Variants in PPHLN1 observed in about 807,000 individuals in gnomAD.
PPHLN1 encodes periphilin-1.
Under a neutral mutation model 51.3 loss-of-function variants are expected in PPHLN1, and 29 were observed. The observed-to-expected ratio is 0.57, with a 90% CI of 0.42 to 0.77. The LOEUF is 0.77. Among genes scored for constraint, PPHLN1 ranks in the 30% least tolerant of loss-of-function variants. PPHLN1 has a pLI of 0.00. For missense variants in PPHLN1, 436 were observed against 438.4 expected (o/e 0.99, Z 0.05); for synonymous variants, 147 against 147.8 (o/e 0.99, Z 0.04).
intron 5 of PPHLN1, among the ~76,000 whole-genome samples, chr12:42,376,822 C>T (rs904107964): frequency 6.6e-6 from 1 of 151,980 alleles, no homozygotes; most frequent in African/African-American, 2.4e-5. Flanking sequence ...AATAAATAAG[C>T]CACTTCCATA....
At chr12:42,359,626 A>G (rs2138402270) in intron 4 of PPHLN1, 1 of 152,356 alleles carries the variant, frequency 6.6e-6, no homozygotes, top group East Asian at 1.9e-4. Flanking sequence ...TCCTACTTGA[A>G]AGACTTTGTG....
chr12:42,408,670 ATTGGTGACATTACCCAC>A (rs1253265886), intron 9 of PPHLN1, among the ~76,000 whole-genome samples: 1 of 152,146 alleles, frequency 6.6e-6, no homozygotes, highest in Non-Finnish European at 1.5e-5. Flanking sequence ...TTGTAATGGG[ATTGGTGACATTACCCAC>A]TTCATAGTAA....
intron 5 of PPHLN1, among the ~76,000 whole-genome samples, chr12:42,379,010 A>G (rs2076539595): frequency 6.9e-6 from 1 of 143,990 alleles, no homozygotes; most frequent in Admixed American, 7.0e-5. Flanking sequence ...CCTAGGTAAA[A>G]TTGTTTTTTT....
At chr12:42,446,755 A>T, downstream of PPHLN1, 1 of 1,150,164 alleles carries the variant, frequency 8.7e-7, no homozygotes, top group Non-Finnish European at 1.2e-6. Context: ...ACGCAATTGG[A>T]AGGTCGGGAG....
At chr12:42,332,719 A>G (rs1005104326) in intron 1 of PPHLN1, 1 of 1,412,972 alleles carries the variant, frequency 7.1e-7, no homozygotes, top group African/African-American at 1.4e-5. Flanking sequence ...ATAGTATAGT[A>G]GTATTTAATA....
intron 9 of PPHLN1, among the ~76,000 whole-genome samples, chr12:42,435,339 A>C (rs2082388170): frequency 6.6e-6 from 1 of 152,190 alleles, no homozygotes; most frequent in Non-Finnish European, 1.5e-5. Context: ...GAATGTAGGC[A>C]CTATAGCTCT....
intron 4 of PPHLN1, among the ~76,000 whole-genome samples, chr12:42,364,027 CA>C (rs1283357733): frequency 1.3e-5 from 2 of 151,940 alleles, no homozygotes; most frequent in Non-Finnish European, 2.9e-5. Flanking sequence ...AGTTTGAGAC[CA>C]GCCTGGCCAA....
At chr12:42,445,819 T>G (rs1566060047), downstream of PPHLN1, 1 of 858,630 alleles carries the variant, frequency 1.2e-6, no homozygotes, top group Non-Finnish European at 1.7e-6. Flanking sequence ...ATTTAGATGA[T>G]AAATTTCAGT....
chr12:42,330,644 G>T (rs2069571274), intron 1 of PPHLN1, among the ~76,000 whole-genome samples: 1 of 152,196 alleles, frequency 6.6e-6, no homozygotes, highest in South Asian at 2.1e-4. Context: ...CAGGGTTGGG[G>T]CTAAAGTTAC....
chr12:42,405,583 T>C (rs10400520), intron 9 of PPHLN1, among the ~76,000 whole-genome samples: 30,309 of 151,632 alleles, frequency 0.2, 3,428 homozygotes, highest in African/African-American at 0.31. Flanking sequence ...CTTTTTGCAT[T>C]TTTTATGTTT....
At chr12:42,446,935 A>AG (rs1208318372), downstream of PPHLN1, 15 of 302,416 alleles carry the variant, frequency 5.0e-5, no homozygotes, top group Non-Finnish European at 6.7e-5. Flanking sequence ...CTCCCTGCAA[A>AG]GGGGGGCGAC....
chr12:42,419,648 T>G (rs186051523), intron 9 of PPHLN1, among the ~76,000 whole-genome samples: 1 of 152,352 alleles, frequency 6.6e-6, no homozygotes, highest in Non-Finnish European at 1.5e-5. Context: ...CTGTGTTGTT[T>G]AGTATGAATA....
At chr12:42,432,482 A>C (rs1225743937) in intron 9 of PPHLN1, among the ~76,000 whole-genome samples, 1 of 152,174 alleles carries the variant, frequency 6.6e-6, no homozygotes, top group Non-Finnish European at 1.5e-5. Flanking sequence ...GTCCCCTTCA[A>C]TTCTCACCGG....
intron 9 of PPHLN1, among the ~76,000 whole-genome samples, chr12:42,423,766 C>T (rs1292214989): frequency 6.6e-6 from 1 of 151,928 alleles, no homozygotes; most frequent in Non-Finnish European, 1.5e-5. Context: ...CAACCTCTGC[C>T]TCCTGGTTCA....
At position 42,441,607 on chromosome 12, in the gene PPHLN1, G is replaced by A. The variant is rs1481393154; in HGVS notation, c.*98G>A. On this transcript the variant is annotated 3_prime_UTR_variant, in exon 10 of 10. Coordinates refer to ENST00000358314, the MANE Select transcript of PPHLN1 (RefSeq NM_201439.2). Reference sequence around the variant, plus strand: ...TAATATATGGAATTTTTGTGATGCAGAGAAATACTTTATGATAGTTGACAA... The same window carrying A: ...TAATATATGGAATTTTTGTGATGCAAAGAAATACTTTATGATAGTTGACAA... 1 of 1,361,782 alleles carries A rather than the reference G, an allele frequency of 7.3e-7. No individual in the cohort carries two copies. The highest frequency in any genetic ancestry group is 9.5e-7 in the Non-Finnish European group (1 of 1,049,300). 84.4% of individuals were successfully genotyped at this position (1,361,782 alleles called of 1,614,324 possible).
At chr12:42,384,875 C>A in intron 5 of PPHLN1, 65 bp from the exon 6 acceptor site, 1 of 1,467,174 alleles carries the variant, frequency 6.8e-7, no homozygotes, top group South Asian at 1.1e-5. Flanking sequence ...CTTCTGAGTT[C>A]TTCTCTTGTT....
chr12:42,332,006 G>A (rs1592155518), intron 1 of PPHLN1, among the ~76,000 whole-genome samples: 1 of 152,104 alleles, frequency 6.6e-6, no homozygotes, highest in Non-Finnish European at 1.5e-5. Flanking sequence ...AAATTACAAG[G>A]TTCTAGCATG....
chr12:42,347,504 G>A (rs1176472596), intron 2 of PPHLN1, among the ~76,000 whole-genome samples: 1 of 152,190 alleles, frequency 6.6e-6, no homozygotes, highest in Non-Finnish European at 1.5e-5. Context: ...AAAGGGGCGG[G>A]CGCAGTGGCT....
Position 42,353,137 on chromosome 12 carries a change from C to T in PPHLN1, c.237+1088C>T, listed in dbSNP as rs1317784971. On this transcript the variant is annotated intron_variant, in intron 3 of 9. Transcript: ENST00000358314. ...ATTATTACTATTACAACTCGCTTCT[C>T]TTGAGCATTCTTAATAATGTAGAAG... Among the ~76,000 whole-genome samples the T allele has an allele frequency of 3.3e-5, 5 of 152,126 alleles. No homozygotes were observed. In the East Asian group the frequency reaches 7.7e-4, roughly 24 times the overall value.
Sources: gnomAD v4.1 joint callset for allele counts (sites outside exome capture counted in the v4.1 genomes callset) on GRCh38, gnomAD v4.1.1 for gene constraint, MANE v1.5 for transcripts, NCBI Gene and HGNC (gene_info 2026-07-23, HGNC 2026-07-21) for gene names.